AIG1: variants seen among roughly 807,000 people sequenced by gnomAD.
AIG1 encodes the protein androgen-induced gene 1 protein.
In AIG1, 23 loss-of-function variants were observed where a neutral mutation model predicts 31.4. The ratio of observed to expected loss-of-function variants is 0.73; its 90% CI spans 0.53 to 1.04. AIG1 has a LOEUF of 1.04. Ranked by LOEUF, AIG1 falls within the 50% of genes least tolerant of loss-of-function variation. The pLI is 0.00. For synonymous variants in AIG1, 100 were observed against 110.5 expected (o/e 0.90, Z 0.60); for missense variants, 274 against 295.0 (o/e 0.93, Z 0.52).
At chr6:143,072,207 AT>A (rs1284593212) in intron 1 of AIG1, among the ~76,000 whole-genome samples, 1 of 152,106 alleles carries the variant, frequency 6.6e-6, no homozygotes, top group Non-Finnish European at 1.5e-5. Flanking sequence ...GTTTTGTTAA[AT>A]TTTGCTTTCT....
intron 3 of AIG1, among the ~76,000 whole-genome samples, chr6:143,187,096 C>T (rs990874179): frequency 6.6e-6 from 1 of 152,158 alleles, no homozygotes; most frequent in Non-Finnish European, 1.5e-5. Flanking sequence ...AGGAAAACTG[C>T]CCCGGTAGAA....
At position 143,201,406 on chromosome 6, in the gene AIG1, C is replaced by T. The variant is rs559255144; in HGVS notation, c.399+36223C>T. ...AAAAAGGTAAATCTTTCTGATGTAA[C>T]TTCATTGCTTCATAGCTGTTTGATT... On this transcript the variant is annotated intron_variant, in intron 3 of 5. Transcript: ENST00000357847. Among the ~76,000 whole-genome samples, 362 of 152,060 alleles carry T rather than the reference C, an allele frequency of 2.4e-3. 1 individual carries two copies. Among genetic ancestry groups the T allele is most frequent in the South Asian group, 5.0e-3 (24 of 4,812 alleles).
intron 1 of AIG1, among the ~76,000 whole-genome samples, chr6:143,081,034 C>T (rs988388433): frequency 3.9e-5 from 6 of 152,222 alleles, no homozygotes; most frequent in Admixed American, 3.9e-4. Context: ...ACTAAGTTGG[C>T]CGTCTCTCAG....
chr6:143,104,639 C>G (rs1210887299), intron 1 of AIG1, among the ~76,000 whole-genome samples: 1 of 152,028 alleles, frequency 6.6e-6, no homozygotes, highest in Admixed American at 6.5e-5. Context: ...GGGCTTATGG[C>G]TATAATCCCA....
At chr6:143,187,700 C>T in intron 3 of AIG1, 1 of 1,536,006 alleles carries the variant, frequency 6.5e-7, no homozygotes, top group Non-Finnish European at 8.7e-7. Context: ...GCTGCCTCTC[C>T]ACAGAAAGCT....
intron 1 of AIG1, among the ~76,000 whole-genome samples, chr6:143,102,455 G>GATATAT (rs371528173): frequency 7.1e-6 from 1 of 141,478 alleles, no homozygotes; most frequent in African/African-American, 2.6e-5. Flanking sequence ...GGCCTCTTAG[G>GATATAT]ATATATATAT....
intron 3 of AIG1, among the ~76,000 whole-genome samples, chr6:143,209,379 A>G (rs1791408833): frequency 6.6e-6 from 1 of 152,222 alleles, no homozygotes. Context: ...GTTGTAGATG[A>G]GATGCAAATT....
chr6:143,118,690 A>G (rs970983119), intron 1 of AIG1, among the ~76,000 whole-genome samples: 1 of 152,174 alleles, frequency 6.6e-6, no homozygotes, highest in African/African-American at 2.4e-5. Flanking sequence ...GCTTAGCAGC[A>G]TAACCCAAAG....
intron 4 of AIG1, among the ~76,000 whole-genome samples, chr6:143,301,606 C>T (rs1397718742): frequency 1.3e-5 from 2 of 152,134 alleles, no homozygotes; most frequent in Non-Finnish European, 2.9e-5. Flanking sequence ...CTTCACATGG[C>T]GGCAGCAAGA....
At chr6:143,098,340 T>G (rs1009774123) in intron 1 of AIG1, among the ~76,000 whole-genome samples, 6 of 152,222 alleles carry the variant, frequency 3.9e-5, no homozygotes, top group Admixed American at 6.5e-5. Context: ...TTCTTTTTCT[T>G]GAAGGATTTT....
At chr6:143,216,432 C>T (rs1242874293) in intron 3 of AIG1, among the ~76,000 whole-genome samples, 2 of 152,158 alleles carry the variant, frequency 1.3e-5, no homozygotes, top group African/African-American at 4.8e-5. Context: ...GCTGAGAACT[C>T]CTAAAATGTG....
intron 1 of AIG1, among the ~76,000 whole-genome samples, chr6:143,131,164 C>G (rs1783200479): frequency 6.6e-6 from 1 of 152,196 alleles, no homozygotes; most frequent in South Asian, 2.1e-4. Flanking sequence ...AGTGTAATTA[C>G]AGACATTGTT....
At chr6:143,190,015 A>T (rs1789640572) in intron 3 of AIG1, 1 of 462,086 alleles carries the variant, frequency 2.2e-6, no homozygotes, top group Admixed American at 6.4e-5. Context: ...TGGTGGAAGG[A>T]ACAAGTAATC....
Position 143,325,202 on chromosome 6 carries a change from C to T in AIG1, c.516-8080C>T, listed in dbSNP as rs921700785. ...TACAACATCACACTTTTCTATTTTG[C>T]TTCCCTGTTACTAGCCCATCTTTCT... is the stretch of plus-strand genomic sequence containing the variant. On this transcript the variant is annotated intron_variant, in intron 4 of 5. Coordinates refer to ENST00000357847, the MANE Select transcript of AIG1 (RefSeq NM_016108.4). The surrounding 1 kb of genome is among the most constrained non-coding windows in gnomAD (Gnocchi z 4.3). Among the ~76,000 whole-genome samples the T allele has an allele frequency of 1.3e-5, 2 of 152,204 alleles. No homozygotes were observed. Among genetic ancestry groups the T allele is most frequent in the Non-Finnish European group, 2.9e-5 (2 of 68,030 alleles).
At chr6:143,272,863 G>T (rs930441142) in intron 3 of AIG1, among the ~76,000 whole-genome samples, 1 of 152,206 alleles carries the variant, frequency 6.6e-6, no homozygotes, top group Non-Finnish European at 1.5e-5. Context: ...AGGCGCGGTG[G>T]CTCATGCCTG....
intron 4 of AIG1, among the ~76,000 whole-genome samples, chr6:143,316,830 A>G (rs1583849462): frequency 1.3e-5 from 2 of 152,222 alleles, no homozygotes; most frequent in East Asian, 1.9e-4. Flanking sequence ...GAGATATTAC[A>G]ACTGATACCA....
intron 2 of AIG1, among the ~76,000 whole-genome samples, chr6:143,162,531 T>C (rs1786480240): frequency 6.6e-6 from 1 of 152,212 alleles, no homozygotes. Context: ...TGCACCAGTG[T>C]GTACAATCCC....
intron 1 of AIG1, among the ~76,000 whole-genome samples, chr6:143,065,528 A>G (rs2128457407): frequency 6.6e-6 from 1 of 152,368 alleles, no homozygotes; most frequent in East Asian, 1.9e-4. Context: ...TAATTGCCCC[A>G]AAAGATAATA....
chr6:143,067,800 A>AT (rs1227185352), intron 1 of AIG1, among the ~76,000 whole-genome samples: 1 of 152,008 alleles, frequency 6.6e-6, no homozygotes, highest in Non-Finnish European at 1.5e-5. Context: ...AATTAGGTGG[A>AT]TTTTTTTCTG....
Sources: gnomAD v4.1 joint callset for allele counts (sites outside exome capture counted in the v4.1 genomes callset) on GRCh38, gnomAD v4.1.1 for gene constraint, Gnocchi (gnomAD v3.1) non-coding constraint, MANE v1.5 for transcripts, NCBI Gene and HGNC (gene_info 2026-07-23, HGNC 2026-07-21) for gene names.